The following CSTPP1 variants were observed in gnomAD, a reference collection of about 807,000 sequenced individuals.
The protein encoded by CSTPP1 is UPF0705 protein C11orf49.
chr11:46,994,352 T>G, the CSTPP1 span, among the ~76,000 whole-genome samples: 1 of 152,220 alleles, frequency 6.6e-6, no homozygotes, highest in African/African-American at 2.4e-5. Flanking sequence ...CCCTGTCTTG[T>G]GCCAGTTTTC....
chr11:47,129,730 A>C, the CSTPP1 span, among the ~76,000 whole-genome samples: 1 of 152,220 alleles, frequency 6.6e-6, no homozygotes, highest in South Asian at 2.1e-4. Context: ...GGTATGTCCT[A>C]CATGACCCTG....
chr11:47,127,405 A>G, the CSTPP1 span, among the ~76,000 whole-genome samples: 419 of 152,338 alleles, frequency 2.8e-3, 2 homozygotes, highest in African/African-American at 9.3e-3. Context: ...CAGTCTGGGA[A>G]AGTGGCGCAC....
chr11:46,971,420 A>G, the CSTPP1 span, among the ~76,000 whole-genome samples: 1 of 152,230 alleles, frequency 6.6e-6, no homozygotes, highest in Admixed American at 6.5e-5. Context: ...TCTGGAAAGT[A>G]ATCTGACAAT....
the CSTPP1 span, among the ~76,000 whole-genome samples, chr11:46,985,485 T>C: frequency 6.6e-6 from 1 of 152,232 alleles, no homozygotes; most frequent in African/African-American, 2.4e-5. Flanking sequence ...TGGGGTTTTT[T>C]GTTCTCACTG....
chr11:47,076,593 C>A, the CSTPP1 span, among the ~76,000 whole-genome samples: 2 of 152,122 alleles, frequency 1.3e-5, no homozygotes, highest in Non-Finnish European at 2.9e-5. Flanking sequence ...ATAATCCCAG[C>A]ACTTTGGGAG....
At chr11:47,007,378 A>T in the CSTPP1 span, among the ~76,000 whole-genome samples, 1 of 151,936 alleles carries the variant, frequency 6.6e-6, no homozygotes, top group African/African-American at 2.4e-5. Context: ...CTTCTGATCT[A>T]TTTTCCAGGT....
At chr11:47,055,917 A>G in the CSTPP1 span, among the ~76,000 whole-genome samples, 1 of 152,244 alleles carries the variant, frequency 6.6e-6, no homozygotes, top group East Asian at 1.9e-4. Flanking sequence ...CAGAAAAACT[A>G]TTCCATTGGT....
the CSTPP1 span, among the ~76,000 whole-genome samples, chr11:47,140,876 G>A: frequency 2.0e-5 from 3 of 151,964 alleles, no homozygotes; most frequent in Admixed American, 6.6e-5. Context: ...CAAGGCAGGC[G>A]GATCACGAGG....
chr11:47,050,861 C>T, the CSTPP1 span, among the ~76,000 whole-genome samples: 1 of 152,098 alleles, frequency 6.6e-6, no homozygotes. Flanking sequence ...AGGTGATGTC[C>T]GCATACTTCC....
the CSTPP1 span, chr11:47,157,785 C>T: frequency 6.2e-7 from 1 of 1,603,582 alleles, no homozygotes. Context: ...GCTGGCTAGG[C>T]TCTGAATGTG....
chr11:46,949,121 G>T, the CSTPP1 span, among the ~76,000 whole-genome samples: 3 of 151,764 alleles, frequency 2.0e-5, no homozygotes, highest in East Asian at 3.9e-4. Context: ...AAGGTATTTT[G>T]TAAATAGAAA....
chr11:47,051,234 T>G, the CSTPP1 span, among the ~76,000 whole-genome samples: 4 of 152,192 alleles, frequency 2.6e-5, no homozygotes, highest in Admixed American at 1.3e-4. Flanking sequence ...CCACTCCTGA[T>G]TTACTTGTCA....
At chr11:47,052,480 C>T in the CSTPP1 span, 1 of 1,614,056 alleles carries the variant, frequency 6.2e-7, no homozygotes, top group South Asian at 1.1e-5. Flanking sequence ...TTTTTACGGG[C>T]CTTCTGGAGA....
chr11:46,980,236 T>C, the CSTPP1 span, among the ~76,000 whole-genome samples: 8 of 152,308 alleles, frequency 5.3e-5, no homozygotes, highest in East Asian at 1.3e-3. Flanking sequence ...CTTTAGTTTT[T>C]CATCCTCTAC....
At chr11:47,163,981 C>A in the CSTPP1 span, 1 of 1,244,720 alleles carries the variant, frequency 8.0e-7, no homozygotes, top group Non-Finnish European at 1.1e-6. Flanking sequence ...AACCCATCCC[C>A]AGTCAAGCCT....
At chr11:47,105,058 C>G in the CSTPP1 span, among the ~76,000 whole-genome samples, 1 of 152,288 alleles carries the variant, frequency 6.6e-6, no homozygotes, top group African/African-American at 2.4e-5. Context: ...CCAGATAACC[C>G]AAACACTTGT....
the CSTPP1 span, among the ~76,000 whole-genome samples, chr11:47,038,107 C>T: frequency 1.6e-4 from 6 of 38,510 alleles, no homozygotes; most frequent in African/African-American, 6.6e-4. Context: ...GGGGGGCTGA[C>T]CCCCCCACCT....
chr11:47,010,348 G>A, the CSTPP1 span, among the ~76,000 whole-genome samples: 2 of 152,306 alleles, frequency 1.3e-5, no homozygotes, highest in South Asian at 2.1e-4. Flanking sequence ...TACAAATTCC[G>A]TAGCAGTAAA....
chr11:47,117,786 T>G, the CSTPP1 span, among the ~76,000 whole-genome samples: 4 of 152,116 alleles, frequency 2.6e-5, no homozygotes, highest in Non-Finnish European at 5.9e-5. Context: ...ATAGATTTGG[T>G]CTTTTCACAT....
Sources: allele counts gnomAD v4.1 joint callset (sites outside exome capture counted in the v4.1 genomes callset), GRCh38; gene constraint gnomAD v4.1.1; transcripts MANE v1.5; gene names NCBI Gene and HGNC (gene_info 2026-07-23, HGNC 2026-07-21).